LTBP1: variants seen among roughly 807,000 people sequenced by gnomAD.
LTBP1 encodes the protein latent-transforming growth factor beta-binding protein 1.
A neutral mutation model predicts 207.6 loss-of-function variants in LTBP1; 129 were observed. The observed-to-expected ratio is 0.62, with a 90% CI of 0.54 to 0.72. The LOEUF is 0.72. Among genes scored for constraint, LTBP1 ranks in the 30% least tolerant of loss-of-function variants. The pLI is 0.00. For missense variants in LTBP1, 2,281 were observed against 2,217.2 expected (o/e 1.03, Z -0.58); for synonymous variants, 963 against 833.7 (o/e 1.16, Z -2.67).
At chr2:33,300,677 T>C in intron 21 of LTBP1, 104 bp downstream of exon 21, 1 of 1,202,250 alleles carries the variant, frequency 8.3e-7, no homozygotes, top group Admixed American at 2.8e-5. Context: ...ATTACCCAGA[T>C]AATTGCATTA....
chr2:33,205,078 A>G (rs991458148), intron 7 of LTBP1, among the ~76,000 whole-genome samples: 6 of 152,188 alleles, frequency 3.9e-5, no homozygotes, highest in Admixed American at 2.0e-4. Context: ...CTTAGACACC[A>G]CTGGTGCTGA....
chr2:33,292,803 A>G (rs1022400720), intron 19 of LTBP1, among the ~76,000 whole-genome samples: 13 of 152,208 alleles, frequency 8.5e-5, no homozygotes, highest in African/African-American at 2.7e-4. Flanking sequence ...AATTTCCAAA[A>G]TAGACCTCAA....
chr2:33,183,594 C>T (rs775817169), intron 5 of LTBP1, among the ~76,000 whole-genome samples: 5 of 152,150 alleles, frequency 3.3e-5, no homozygotes, highest in Admixed American at 1.3e-4. Context: ...AACAAAACTA[C>T]GGTAACGGAA....
At chr2:33,048,716 G>T (rs1482322198) in intron 3 of LTBP1, among the ~76,000 whole-genome samples, 1 of 152,068 alleles carries the variant, frequency 6.6e-6, no homozygotes, top group Non-Finnish European at 1.5e-5. Context: ...CGTTGACAGG[G>T]GCTGACTCTT....
At position 33,172,494 on chromosome 2, in the gene LTBP1, T is replaced by A. The variant is rs1464341488; in HGVS notation, c.1202-14362T>A. Among the ~76,000 whole-genome samples, 5 of 152,092 alleles carry A rather than the reference T, an allele frequency of 3.3e-5. No individual in the cohort carries two copies. The East Asian group carries it at 7.7e-4, about 24-fold the overall frequency. On this transcript the variant is annotated intron_variant, in intron 5 of 33. Coordinates refer to ENST00000404816, the MANE Select transcript of LTBP1 (RefSeq NM_206943.4). ...ATGCACCAAAAACAGGAGCACCCAG[T>A]TTCATAAAGCAAGTCCTCAGTGACC...
intron 32 of LTBP1, among the ~76,000 whole-genome samples, chr2:33,395,211 C>A (rs1019088480): frequency 6.6e-6 from 1 of 152,086 alleles, no homozygotes; most frequent in Non-Finnish European, 1.5e-5. Context: ...AAATGAGGAA[C>A]CTGGTTTCAA....
chr2:33,297,732 TCAAAACAAAA>T lies in LTBP1; in HGVS notation c.3236-2703_3236-2694del, dbSNP rs1181487790. Reference sequence around the variant, plus strand: ...AGCCATTACACCCGGCCCTGCCTTTTCAAAACAAAACAAAACAAAACAAAAACAAAAAACT... The same window carrying T: ...AGCCATTACACCCGGCCCTGCCTTTTCAAAACAAAACAAAAACAAAAAACT... On this transcript the variant is annotated intron_variant, in intron 20 of 33. Coordinates refer to ENST00000404816, the MANE Select transcript of LTBP1 (RefSeq NM_206943.4). Among the ~76,000 whole-genome samples the T allele has an allele frequency of 5.3e-5, 8 of 152,108 alleles. No individual in the cohort carries two copies. In the South Asian group the frequency reaches 6.2e-4, roughly 12 times the overall value.
chr2:33,296,807 C>G (rs555606569), intron 20 of LTBP1, among the ~76,000 whole-genome samples: 3 of 152,050 alleles, frequency 2.0e-5, no homozygotes, highest in African/African-American at 7.2e-5. Flanking sequence ...GGATAAGTTA[C>G]GGTATCTTAC....
At position 33,300,223 on chromosome 2, in the gene LTBP1, A is replaced by G. The variant is rs376803306; in HGVS notation, c.3236-228A>G. ...TGATGGTGAGGAGTATGATTATTAT[A>G]AATAGCTTATTGATTTATTGTCTAT... On this transcript the variant is annotated intron_variant, in intron 20 of 33. Coordinates refer to ENST00000404816, the MANE Select transcript of LTBP1 (RefSeq NM_206943.4). Among the ~76,000 whole-genome samples the G allele has an allele frequency of 1.6e-4, 25 of 152,292 alleles. No homozygotes were observed. The East Asian group carries it at 4.4e-3, about 27-fold the overall frequency.
chr2:33,121,955 A>T (rs980758099), intron 4 of LTBP1, among the ~76,000 whole-genome samples: 2 of 152,140 alleles, frequency 1.3e-5, no homozygotes, highest in Non-Finnish European at 2.9e-5. Flanking sequence ...CATTTTATTC[A>T]TCCGAGAATA....
chr2:32,960,787 C>A (rs933076466), intron 2 of LTBP1, among the ~76,000 whole-genome samples: 2 of 152,140 alleles, frequency 1.3e-5, no homozygotes, highest in Non-Finnish European at 2.9e-5. Flanking sequence ...TTTAGGCCAA[C>A]AGAATGGCTA....
In LTBP1 at chr2:33,301,604, C is replaced by G. The variant is rs2093990165; in HGVS notation, c.3441C>G (p.Asp1147Glu). 1 of 1,611,562 alleles carries G rather than the reference C, an allele frequency of 6.2e-7. No homozygotes were observed. Among genetic ancestry groups the G allele is most frequent in the African/African-American group, 1.3e-5 (1 of 74,810 alleles). Residue 1147 changes from aspartate (D) to glutamate (E), a missense_variant, in exon 22 of 34, where the codon GAC (aspartate) becomes GAG (glutamate). This residue lies in a region of LTBP1 where 1,671 missense variants were observed against 1,634.8 expected (regional missense o/e 1.02). Coordinates refer to ENST00000404816, the MANE Select transcript of LTBP1 (RefSeq NM_206943.4). ...NTEGSFQCVC[D>E]QGYRASGLGD... is the part of the protein sequence containing the mutation. ...AGGGCTCTTTTCAATGTGTGTGTGACCAGGGTTACAGAGCATCTGGGCTTG... is the reference window on the plus strand; with the variant it reads ...AGGGCTCTTTTCAATGTGTGTGTGAGCAGGGTTACAGAGCATCTGGGCTTG...
chr2:32,997,631 T>A (rs913292934), intron 2 of LTBP1, among the ~76,000 whole-genome samples: 6 of 152,174 alleles, frequency 3.9e-5, no homozygotes, highest in Admixed American at 1.3e-4. Context: ...ATCCTGTGCC[T>A]TCATTCCCCT....
chr2:33,330,530 A>G (rs2094480849), intron 24 of LTBP1, among the ~76,000 whole-genome samples: 1 of 150,950 alleles, frequency 6.6e-6, no homozygotes, highest in Non-Finnish European at 1.5e-5. Context: ...AAGTTCCCTT[A>G]TATATCTAGT....
At chr2:33,127,742 AT>A (rs2081519857) in intron 4 of LTBP1, among the ~76,000 whole-genome samples, 1 of 152,206 alleles carries the variant, frequency 6.6e-6, no homozygotes, top group African/African-American at 2.4e-5. Context: ...GGGTTGAAAC[AT>A]TTGGTTGTGC....
At chr2:33,123,532 T>C (rs1449897527) in intron 4 of LTBP1, among the ~76,000 whole-genome samples, 1 of 152,194 alleles carries the variant, frequency 6.6e-6, no homozygotes, top group Non-Finnish European at 1.5e-5. Flanking sequence ...TCAAAGACTA[T>C]TAATGGAGAA....
chr2:33,100,350 A>G (rs1254478253), intron 3 of LTBP1, among the ~76,000 whole-genome samples: 1 of 152,168 alleles, frequency 6.6e-6, no homozygotes, highest in Non-Finnish European at 1.5e-5. Flanking sequence ...AAAAGGGGAT[A>G]AAGACATATT....
intron 9 of LTBP1, among the ~76,000 whole-genome samples, chr2:33,239,588 G>A (rs1042608539): frequency 6.6e-5 from 10 of 151,944 alleles, no homozygotes; most frequent in African/African-American, 2.2e-4. Context: ...GTTTGTTGAC[G>A]CTTTAAAATA....
chr2:32,971,839 C>G (rs1680930619), intron 2 of LTBP1, among the ~76,000 whole-genome samples: 1 of 152,072 alleles, frequency 6.6e-6, no homozygotes, highest in Admixed American at 6.6e-5. Context: ...GGAGGAGTTC[C>G]TTCTCAATTT....
Sources: allele counts gnomAD v4.1 joint callset (sites outside exome capture counted in the v4.1 genomes callset), GRCh38; gene constraint gnomAD v4.1.1; regional missense constraint gnomAD v4.1.1; transcripts MANE v1.5; gene names NCBI Gene and HGNC (gene_info 2026-07-23, HGNC 2026-07-21).